The following IBTK variants were observed in gnomAD, a reference collection of about 807,000 sequenced individuals.
The protein encoded by IBTK is BTK-binding protein.
In IBTK, 83 loss-of-function variants were observed where a neutral mutation model predicts 154.9. That is an observed-to-expected ratio of 0.54 (90% CI 0.45 to 0.64). The LOEUF (loss-of-function observed/expected upper bound fraction) is 0.64. IBTK is among the 30% of genes least tolerant of loss of function. The pLI, the probability that IBTK is intolerant of heterozygous loss-of-function variation, is 0.00. For missense variants in IBTK, 1,332 were observed against 1,584.6 expected (o/e 0.84, Z 2.71); for synonymous variants, 515 against 536.1 (o/e 0.96, Z 0.54).
Position 82,214,282 on chromosome 6 carries a change from C to A in IBTK, c.2149G>T (p.Val717Leu), listed in dbSNP as rs1769776084. 6.2e-7 allele frequency: 1 copy of A among 1,613,176 alleles called. No individual in the cohort carries two copies. The highest frequency in any genetic ancestry group is 8.5e-7 in the Non-Finnish European group (1 of 1,179,630). ...KGKNIREDDPVRMLQTVAKKF... is the reference protein window; with the variant it reads ...KGKNIREDDPLRMLQTVAKKF... ...TTTGCAACAGTTTGCAACATTCTTACAGGATCATCTTCCCTAATATTTTTT... is the reference window on the plus strand; with the variant it reads ...TTTGCAACAGTTTGCAACATTCTTAAAGGATCATCTTCCCTAATATTTTTT... The change falls in exon 12 of 29, where the codon GTA (valine) becomes TTA (leucine). Residue 717 changes from valine (V) to leucine (L), a missense_variant. Val to Leu is a conservative substitution (Grantham distance 32). Transcript: ENST00000306270.
chr6:82,174,840 C>A, intron 26 of IBTK: 1 of 383,472 alleles, frequency 2.6e-6, no homozygotes, highest in Non-Finnish European at 5.1e-6. Flanking sequence ...AGAGAGATAA[C>A]AAAAATCTGG....
chr6:82,186,831 T>C (rs1001021380), intron 25 of IBTK, among the ~76,000 whole-genome samples: 2 of 152,048 alleles, frequency 1.3e-5, no homozygotes, highest in East Asian at 1.9e-4. Context: ...TCATTACTCA[T>C]GTTTGTACTT....
At position 82,211,487 on chromosome 6, in the gene IBTK, T is replaced by A. The variant is rs2127813340; in HGVS notation, c.2374+3A>T. ...AATCAGCAGCTTTAAAAAGTGCACC[T>A]ACCAAGTCTAGCACAAAGAACACAT... On this transcript the variant is annotated splice_donor_region_variant and intron_variant, in intron 14 of 28. Coordinates refer to ENST00000306270, the MANE Select transcript of IBTK (RefSeq NM_015525.4). 1 of 1,612,060 alleles carries A rather than the reference T, an allele frequency of 6.2e-7. No individual in the cohort carries two copies.
At chr6:82,177,869 C>T (rs1204388677) in intron 26 of IBTK, among the ~76,000 whole-genome samples, 1 of 152,098 alleles carries the variant, frequency 6.6e-6, no homozygotes, top group Non-Finnish European at 1.5e-5. Context: ...TAATTTCATT[C>T]TTATTCTGTC....
chr6:82,239,700 C>A (rs543136352), intron 2 of IBTK, among the ~76,000 whole-genome samples: 5 of 148,580 alleles, frequency 3.4e-5, no homozygotes, highest in Non-Finnish European at 5.9e-5. Flanking sequence ...AATATATTTT[C>A]TTTGTCTTTA....
intron 2 of IBTK, among the ~76,000 whole-genome samples, chr6:82,238,941 G>A (rs992529041): frequency 1.3e-5 from 2 of 151,354 alleles, no homozygotes; most frequent in Non-Finnish European, 2.9e-5. Flanking sequence ...GTTTTACTAT[G>A]TTGGCCAGGC....
intron 17 of IBTK, among the ~76,000 whole-genome samples, chr6:82,203,593 G>C (rs1016861690): frequency 1.3e-5 from 2 of 152,030 alleles, no homozygotes; most frequent in Non-Finnish European, 2.9e-5. Flanking sequence ...TTGTTCACAT[G>C]GGAACAAGTA....
intron 2 of IBTK, among the ~76,000 whole-genome samples, chr6:82,239,824 GCTTA>G (rs1464785318): frequency 6.7e-6 from 1 of 149,994 alleles, no homozygotes; most frequent in Non-Finnish European, 1.5e-5. Flanking sequence ...AATAAATTGT[GCTTA>G]CTTAATGTAA....
At chr6:82,208,501 G>A (rs1038571289) in intron 16 of IBTK, among the ~76,000 whole-genome samples, 4 of 152,114 alleles carry the variant, frequency 2.6e-5, no homozygotes, top group Admixed American at 2.6e-4. Context: ...CAGCACTTTG[G>A]GAGGCTGAGG....
intron 2 of IBTK, among the ~76,000 whole-genome samples, chr6:82,239,402 G>GC (rs1770855957): frequency 6.6e-6 from 1 of 151,990 alleles, no homozygotes; most frequent in Non-Finnish European, 1.5e-5. Context: ...GAGATCAGGG[G>GC]CCACAGCACT....
chr6:82,233,383 A>C (rs1309734583), intron 3 of IBTK, among the ~76,000 whole-genome samples: 1 of 152,112 alleles, frequency 6.6e-6, no homozygotes, highest in Non-Finnish European at 1.5e-5. Context: ...AAAATAACAA[A>C]AGGAATAAAA....
rs1164743326 is a variant in IBTK at position 82,235,654 on chromosome 6, T to C, written c.322-1399A>G. 2.0e-5 allele frequency among the ~76,000 whole-genome samples: 3 copies of C among 152,158 alleles called. No individual in the cohort carries two copies. The East Asian group carries it at 5.8e-4, about 29-fold the overall frequency. On this transcript the variant is annotated intron_variant, in intron 2 of 28. Coordinates refer to ENST00000306270, the MANE Select transcript of IBTK (RefSeq NM_015525.4). ...GACATAAAATTTCAAATCAGTTTAT[T>C]TAGTTTATACTTACTCTATTTTAGT...
intron 11 of IBTK, among the ~76,000 whole-genome samples, 154 bp from the exon 12 acceptor site, chr6:82,214,983 G>A (rs1312336833): frequency 6.6e-6 from 1 of 152,152 alleles, no homozygotes; most frequent in Non-Finnish European, 1.5e-5. Flanking sequence ...ATTGCACAAA[G>A]TCCTAGATGC....
intron 16 of IBTK, chr6:82,205,514 T>TC: frequency 6.6e-6 from 1 of 152,516 alleles, no homozygotes; most frequent in East Asian, 1.9e-4. Context: ...ACGCCTGTAA[T>TC]CCCAGCACTA....
intron 13 of IBTK, 58 bp from the exon 14 acceptor site, chr6:82,211,630 G>C (rs962397851): frequency 3.6e-6 from 5 of 1,379,336 alleles, no homozygotes; most frequent in Non-Finnish European, 5.1e-6. Flanking sequence ...TAGTGAAAAA[G>C]ATTATAGGAT....
chr6:82,214,965 A>G, intron 11 of IBTK, 136 bp from the exon 12 acceptor site: 1 of 838,818 alleles, frequency 1.2e-6, no homozygotes, highest in Non-Finnish European at 1.8e-6. Context: ...TTCCTAAAAT[A>G]CAAGAATATT....
At chr6:82,237,477 C>T (rs981279045) in intron 2 of IBTK, among the ~76,000 whole-genome samples, 1 of 151,922 alleles carries the variant, frequency 6.6e-6, no homozygotes, top group African/African-American at 2.4e-5. Context: ...GCTATTATTA[C>T]TCTCTTTTTA....
Position 82,240,594 on chromosome 6 carries a change from C to A in IBTK, c.-108G>T. 1.2e-6 allele frequency: 1 copy of A among 856,164 alleles called. No individual in the cohort carries two copies. Among genetic ancestry groups the A allele is most frequent in the East Asian group, 2.4e-5 (1 of 40,850 alleles). The allele number at this position is 856,164 out of a possible 1,614,324, so 53.0% of individuals were successfully genotyped here. ...TGAGGAAGTTACAGAGAATAAATTA[C>A]CTTTTTAGGATAATTTAAATCCTCC... On this transcript the variant is annotated 5_prime_UTR_variant, in exon 2 of 29. Coordinates refer to ENST00000306270, the MANE Select transcript of IBTK (RefSeq NM_015525.4).
intron 1 of IBTK, among the ~76,000 whole-genome samples, chr6:82,241,282 C>T (rs1036694129): frequency 7.9e-5 from 12 of 152,038 alleles, no homozygotes; most frequent in Non-Finnish European, 1.5e-4. Flanking sequence ...GCTATGAATA[C>T]GCTTAAATCT....
Sources: gnomAD v4.1 joint callset for allele counts (sites outside exome capture counted in the v4.1 genomes callset) on GRCh38, gnomAD v4.1.1 for gene constraint, MANE v1.5 for transcripts, NCBI Gene and HGNC (gene_info 2026-07-23, HGNC 2026-07-21) for gene names.